The following FHIT variants were observed in gnomAD, a reference collection of about 807,000 sequenced individuals.
FHIT encodes fragile histidine triad diadenosine triphosphatase.
Under a neutral mutation model 17.9 loss-of-function variants are expected in FHIT, and 19 were observed. That is an observed-to-expected ratio of 1.06 (90% CI 0.74 to 1.56). The LOEUF (loss-of-function observed/expected upper bound fraction) is 1.56. Among genes scored for constraint, FHIT ranks in the 40% most tolerant of loss-of-function variants. The probability of loss-of-function intolerance (pLI) is 0.00; values close to 1 mark genes in which losing one functional copy is unlikely to be tolerated. For missense variants in FHIT, 248 were observed against 189.2 expected, an observed-to-expected ratio of 1.31 and a Z score of -1.82; for synonymous variants, 81 against 69.7, an observed-to-expected ratio of 1.16 and a Z score of -0.81.
At chr3:61,030,637 A>T (rs781671847) in intron 3 of FHIT, among the ~76,000 whole-genome samples, 24 of 152,198 alleles carry the variant, frequency 1.6e-4, no homozygotes, top group Non-Finnish European at 3.2e-4. Flanking sequence ...TACAATAAAC[A>T]TAAGTGACTC....
At chr3:61,208,335 T>A (rs1478888471) in intron 1 of FHIT, among the ~76,000 whole-genome samples, 1 of 152,122 alleles carries the variant, frequency 6.6e-6, no homozygotes, top group Non-Finnish European at 1.5e-5. Context: ...TTAGGTCCGC[T>A]TGGTGCAGAG....
chr3:59,755,030 C>A (rs1427763002), intron 8 of FHIT, among the ~76,000 whole-genome samples: 2 of 152,102 alleles, frequency 1.3e-5, no homozygotes, highest in African/African-American at 2.4e-5. Flanking sequence ...TCAGCCAATT[C>A]TAAGGTGCAC....
chr3:60,192,154 G>A (rs944258951), intron 5 of FHIT, among the ~76,000 whole-genome samples: 1 of 151,664 alleles, frequency 6.6e-6, no homozygotes, highest in Admixed American at 6.6e-5. Context: ...AGGAGGCGGA[G>A]GCAAGAGAAT....
intron 8 of FHIT, among the ~76,000 whole-genome samples, chr3:59,863,385 A>C (rs1702492823): frequency 6.6e-6 from 1 of 152,216 alleles, no homozygotes; most frequent in South Asian, 2.1e-4. Context: ...GGTATCCCTG[A>C]AGGAGAAAGT....
chr3:60,842,391 C>G (rs1472511429), intron 3 of FHIT, among the ~76,000 whole-genome samples: 4 of 151,536 alleles, frequency 2.6e-5, no homozygotes, highest in Non-Finnish European at 5.9e-5. Flanking sequence ...TAGCTTAGCC[C>G]AAATGACACC....
intron 1 of FHIT, among the ~76,000 whole-genome samples, chr3:61,208,809 C>G (rs527511821): frequency 3.3e-5 from 5 of 152,054 alleles, no homozygotes; most frequent in Admixed American, 2.0e-4. Flanking sequence ...GCATTTAGTC[C>G]ATTTACATTT....
In FHIT at chr3:60,878,916, T is replaced by C. The variant is rs561354622; in HGVS notation, c.-110-56905A>G. On this transcript the variant is annotated intron_variant, in intron 3 of 9. Transcript: ENST00000492590. ...GTTGGATATATGGGTTGGTTCCAAGTCTTTGATATTGTGAATAGTGCCGCA... is the reference window on the plus strand; with the variant it reads ...GTTGGATATATGGGTTGGTTCCAAGCCTTTGATATTGTGAATAGTGCCGCA... Among the ~76,000 whole-genome samples the C allele has an allele frequency of 2.6e-5, 4 of 152,288 alleles. No homozygotes were observed. The East Asian group carries it at 7.7e-4, about 29-fold the overall frequency.
chr3:60,604,922 G>A (rs1287429718), intron 4 of FHIT, among the ~76,000 whole-genome samples: 2 of 152,108 alleles, frequency 1.3e-5, no homozygotes, highest in Non-Finnish European at 2.9e-5. Context: ...AGCATTGAAG[G>A]GATCAGTAAC....
chr3:60,478,070 G>C (rs900458023), intron 5 of FHIT, among the ~76,000 whole-genome samples: 1 of 152,124 alleles, frequency 6.6e-6, no homozygotes, highest in Non-Finnish European at 1.5e-5. Flanking sequence ...ACAACAATTA[G>C]AGCAACAATA....
intron 3 of FHIT, among the ~76,000 whole-genome samples, chr3:60,832,286 A>G (rs1415682369): frequency 1.2e-4 from 18 of 152,182 alleles, no homozygotes; most frequent in Non-Finnish European, 2.5e-4. Context: ...ATGAGGAAAC[A>G]GAGGCAAAGA....
At chr3:60,800,040 G>A (rs936083089) in intron 4 of FHIT, among the ~76,000 whole-genome samples, 2 of 151,894 alleles carry the variant, frequency 1.3e-5, no homozygotes, top group Admixed American at 6.6e-5. Flanking sequence ...TGGACCTATC[G>A]AACCATTCTA....
chr3:60,081,095 T>C (rs188335390), intron 5 of FHIT, among the ~76,000 whole-genome samples: 28 of 152,066 alleles, frequency 1.8e-4, no homozygotes, highest in African/African-American at 6.7e-4. Context: ...TGGAATGAGG[T>C]AGACAAATCT....
At chr3:60,020,874 G>A (rs17061825) in intron 5 of FHIT, among the ~76,000 whole-genome samples, 1 of 152,122 alleles carries the variant, frequency 6.6e-6, no homozygotes, top group Non-Finnish European at 1.5e-5. Flanking sequence ...CACAACGTAA[G>A]CACTTTGATG....
intron 8 of FHIT, among the ~76,000 whole-genome samples, chr3:59,881,399 C>T (rs628404): frequency 0.75 from 113,481 of 152,132 alleles, 47,050 homozygotes; most frequent in East Asian, 0.99. Flanking sequence ...GAAGGGGGTA[C>T]GGGCAATAGC....
At chr3:60,028,716 A>G (rs1290958488) in intron 5 of FHIT, among the ~76,000 whole-genome samples, 1 of 152,212 alleles carries the variant, frequency 6.6e-6, no homozygotes, top group East Asian at 1.9e-4. Flanking sequence ...GACTTTGGGA[A>G]TGCCAATTGC....
Position 60,785,932 on chromosome 3 carries a change from C to G in FHIT, c.-18+35987G>C, listed in dbSNP as rs892866640. ...ACACACACACACACACACACACACA[C>G]ACAGAGAGAGTACTTTTCAAGATTA... is the stretch of plus-strand genomic sequence containing the variant. On this transcript the variant is annotated intron_variant, in intron 4 of 9. Transcript: ENST00000492590. 7.0e-3 allele frequency among the ~76,000 whole-genome samples: 874 copies of G among 124,474 alleles called. 12 individuals are homozygous for G. Among genetic ancestry groups the G allele is most frequent in the African/African-American group, 0.024 (804 of 33,128 alleles). The allele number at this position is 124,474 out of a possible 152,430, so 81.7% of individuals were successfully genotyped here.
At chr3:59,986,902 A>G (rs1397158311) in intron 7 of FHIT, among the ~76,000 whole-genome samples, 8 of 118,988 alleles carry the variant, frequency 6.7e-5, no homozygotes, top group Non-Finnish European at 3.2e-5. Context: ...TATATTTTAT[A>G]TTATATATTA....
At position 60,282,366 on chromosome 3, in the gene FHIT, A is replaced by G. The variant is rs192000593; in HGVS notation, c.103+254494T>C. On this transcript the variant is annotated intron_variant, in intron 5 of 9. Transcript: ENST00000492590. ...AAAGGTGTGGAGGCACCTTACAGAC[A>G]TACTGCCATATGACATTATGGAAAA... is the stretch of plus-strand genomic sequence containing the variant. Among the ~76,000 whole-genome samples, 53 of 152,296 alleles carry G rather than the reference A, an allele frequency of 3.5e-4. No homozygotes were observed. In the East Asian group the frequency reaches 8.5e-3, roughly 24 times the overall value.
intron 5 of FHIT, among the ~76,000 whole-genome samples, chr3:60,217,819 T>C (rs1576323854): frequency 6.6e-6 from 1 of 152,216 alleles, no homozygotes; most frequent in Admixed American, 6.5e-5. Flanking sequence ...TCAATTTATA[T>C]GTCACTTCCT....
Sources: gnomAD v4.1 joint callset for allele counts (sites outside exome capture counted in the v4.1 genomes callset) on GRCh38, gnomAD v4.1.1 for gene constraint, MANE v1.5 for transcripts, NCBI Gene and HGNC (gene_info 2026-07-23, HGNC 2026-07-21) for gene names.